Variants in LHX1 observed in about 807,000 individuals in gnomAD.
The protein encoded by LHX1 is LIM homeobox 1, also known as LIM/homeobox protein Lhx1.
Under a neutral mutation model 34.1 loss-of-function variants are expected in LHX1, and 9 were observed. The ratio of observed to expected loss-of-function variants is 0.26; its 90% confidence interval spans 0.16 to 0.46. The LOEUF is 0.46. Ranked by LOEUF, LHX1 falls within the 20% of genes least tolerant of loss-of-function variation. The pLI is 1.00. For missense variants in LHX1, 446 were observed against 559.1 expected, an observed-to-expected ratio of 0.80 and a Z score of 2.04; for synonymous variants, 254 against 241.5, an observed-to-expected ratio of 1.05 and a Z score of -0.48.
At position 36,944,536 on chromosome 17, in the gene LHX1, A is replaced by C. The variant is rs2070790331; in HGVS notation, c.*1405A>C. On this transcript the variant is annotated 3_prime_UTR_variant, in exon 5 of 5. Transcript: ENST00000614239. ...GCTTGTGTGACCTCCAGTGCATATT[A>C]GACCATTCACTGTATGAAAGAAAAC... 6.6e-6 allele frequency: 1 copy of C among 152,272 alleles called. No individual in the cohort carries two copies. The highest frequency in any genetic ancestry group is 1.5e-5 in the Non-Finnish European group (1 of 68,050). The allele number at this position is 152,272 out of a possible 1,614,324, so 9.4% of individuals were successfully genotyped here. A position where few individuals can be genotyped will look rare whatever the true frequency, so the allele number is the denominator to read the frequency against.
chr17:36,938,036 C>T lies in LHX1; in HGVS notation c.-162C>T. On this transcript the variant is annotated 5_prime_UTR_variant, in exon 1 of 5. Coordinates refer to ENST00000614239, the MANE Select transcript of LHX1 (RefSeq NM_005568.5). ...CCCCGATCAGCCTCGTTTCCTCCACCCTACTTTGATTTCCTGGTGCGAGTT... is the reference window on the plus strand; with the variant it reads ...CCCCGATCAGCCTCGTTTCCTCCACTCTACTTTGATTTCCTGGTGCGAGTT... The T allele has an allele frequency of 5.8e-6, 4 of 689,928 alleles. 1 individual carries two copies. Among genetic ancestry groups the T allele is most frequent in the Non-Finnish European group, 1.0e-5 (4 of 398,090 alleles). The allele number at this position is 689,928 out of a possible 1,614,324, so 42.7% of individuals were successfully genotyped here.
At chr17:36,937,078 C>A, upstream of LHX1, 1 of 330,698 alleles carries the variant, frequency 3.0e-6, no homozygotes, top group Non-Finnish European at 6.0e-6. Context: ...GAAAGGAAAC[C>A]CAGATTTGCC....
intron 1 of LHX1, 95 bp from the exon 2 acceptor site, chr17:36,940,194 TC>T: frequency 1.4e-6 from 1 of 729,140 alleles, no homozygotes; most frequent in Non-Finnish European, 2.4e-6. Flanking sequence ...TTTTACATCT[TC>T]CCTCTTTCTC....
rs112081488 is a variant in LHX1 at position 36,942,855 on chromosome 17, G to T, written c.945G>T (p.Pro315=). The T allele has an allele frequency of 6.3e-7, 1 of 1,588,050 alleles. No individual in the cohort carries two copies. The highest frequency in any genetic ancestry group is 8.6e-7 in the Non-Finnish European group (1 of 1,164,786). The change falls in exon 5 of 5, where the codon CCG becomes CCT. Residue 315 remains proline, a synonymous_variant. Coordinates refer to ENST00000614239, the MANE Select transcript of LHX1 (RefSeq NM_005568.5). ...CACCAGTGGACCTACCCTTCGTGCC[G>T]TCATCTGGGCCGTCCGGGACGCCCC... ...AQTPVDLPFV[P]SSGPSGTPLG... is the part of the protein sequence containing the mutation.
rs899547939 is a variant in LHX1, at chr17:36,943,389, C to T, written c.*258C>T. On this transcript the variant is annotated 3_prime_UTR_variant, in exon 5 of 5. Coordinates refer to ENST00000614239, the MANE Select transcript of LHX1 (RefSeq NM_005568.5). Reference sequence around the variant, plus strand: ...CTCCCCAAAGGAAACGCAGACCTCTCCCCAACTCCCACCTGGACCCGGATC... The same window carrying T: ...CTCCCCAAAGGAAACGCAGACCTCTTCCCAACTCCCACCTGGACCCGGATC... 6 of 460,672 alleles carry T rather than the reference C, an allele frequency of 1.3e-5. No homozygotes were observed. The highest frequency in any genetic ancestry group is 8.0e-5 in the Admixed American group (2 of 24,944). 28.5% of individuals were successfully genotyped at this position (460,672 alleles called of 1,614,324 possible). A position where few individuals can be genotyped will look rare whatever the true frequency, so the allele number is the denominator to read the frequency against.
At chr17:36,942,065 T>C (rs2070768230) in intron 3 of LHX1, 135 bp from the exon 4 acceptor site, 3 of 823,398 alleles carry the variant, frequency 3.6e-6, no homozygotes, top group Non-Finnish European at 5.7e-6. Flanking sequence ...CCGTCACCAC[T>C]ACCCTACACA....
At chr17:36,942,609 C>G (rs1567958098) in intron 4 of LHX1, 143 bp from the exon 5 acceptor site, 7 of 1,034,460 alleles carry the variant, frequency 6.8e-6, no homozygotes, top group Non-Finnish European at 9.6e-6. Context: ...CTCCCTGCAC[C>G]CAGGCCCGCG....
rs772041347 is a variant in LHX1, at chr17:36,942,903, G to A, written c.993G>A (p.Leu331=). The A allele has an allele frequency of 1.3e-6, 2 of 1,597,710 alleles. No individual in the cohort carries two copies. Among genetic ancestry groups the A allele is most frequent in the Admixed American group, 3.4e-5 (2 of 58,064 alleles). Reference sequence around the variant, plus strand: ...CCCTGGGTGGCCTGGAGCACCCGCTGCCGGGCCACCACCCGTCGAGCGAGG... The same window carrying A: ...CCCTGGGTGGCCTGGAGCACCCGCTACCGGGCCACCACCCGTCGAGCGAGG... ...GTPLGGLEHP[L]PGHHPSSEAQ... Residue 331 remains leucine, a synonymous_variant, in exon 5 of 5, where the codon CTG becomes CTA. Coordinates refer to ENST00000614239, the MANE Select transcript of LHX1 (RefSeq NM_005568.5).
intron 4 of LHX1, 103 bp downstream of exon 4, chr17:36,942,468 G>A (rs1406031681): frequency 3.9e-6 from 5 of 1,265,976 alleles, no homozygotes; most frequent in South Asian, 1.4e-5. Context: ...TAAGCCACTG[G>A]AGAGTTGGGG....
rs1173526494 is a variant in LHX1 at position 36,943,119 on chromosome 17, G to C, written c.1209G>C (p.Ala403=). 1.2e-6 allele frequency: 2 copies of C among 1,612,378 alleles called. No individual in the cohort carries two copies. The highest frequency in any genetic ancestry group is 2.2e-5 in the East Asian group (1 of 44,842). ...CCCACCCCCCCGAAATGAACGAGGC[G>C]GCCGTGTGGTAGCGGGGTCTCGCAC... is the stretch of plus-strand genomic sequence containing the variant. ...HLSHPPEMNE[A]AVW The change falls in exon 5 of 5, where the codon GCG becomes GCC. Residue 403 remains alanine (A), a synonymous_variant. Transcript: ENST00000614239.
intron 3 of LHX1, chr17:36,941,567 A>ATGTACCTGCCTGGGAGGCTGGC (rs2070765366): frequency 4.1e-6 from 1 of 243,634 alleles, no homozygotes; most frequent in Non-Finnish European, 8.2e-6. Context: ...CTGTGGGTGG[A>ATGTACCTGCCTGGGAGGCTGGC]TGTACCTGCC....
In LHX1 at chr17:36,937,983, G is replaced by A. The variant is rs2070739579; in HGVS notation, c.-215G>A. ...CCCGGGGCCCCGGGACTCCCCGGCT[G>A]CACACTTCACTGAGACGCCCCCCCA... On this transcript the variant is annotated 5_prime_UTR_variant, in exon 1 of 5. Transcript: ENST00000614239. 4 of 610,850 alleles carry A rather than the reference G, an allele frequency of 6.5e-6. No homozygotes were observed. Among genetic ancestry groups the A allele is most frequent in the Non-Finnish European group, 1.2e-5 (4 of 343,068 alleles). 37.8% of individuals were successfully genotyped at this position (610,850 alleles called of 1,614,324 possible).
intron 4 of LHX1, among the ~76,000 whole-genome samples, 154 bp from the exon 5 acceptor site, chr17:36,942,598 C>T (rs2070773015): frequency 6.6e-6 from 1 of 152,216 alleles, no homozygotes; most frequent in African/African-American, 2.4e-5. Flanking sequence ...CGCCCAGCCT[C>T]CTCCCTGCAC....
In LHX1 at chr17:36,942,262, C is replaced by A. The variant is rs756863663; in HGVS notation, c.738C>A (p.Ala246=). 2.5e-6 allele frequency: 4 copies of A among 1,599,940 alleles called. No individual in the cohort carries two copies. The highest frequency in any genetic ancestry group is 1.7e-6 in the Non-Finnish European group (2 of 1,175,208). The part of the protein sequence containing the change: ...RRMKQLSALG[A]RRHAFFRSPR... ...TGAAGCAGCTGAGCGCCCTGGGCGC[C>A]CGGCGCCACGCCTTCTTCCGCAGTC... Residue 246 remains alanine (A), a synonymous_variant, in exon 4 of 5, where the codon GCC becomes GCA. Transcript: ENST00000614239.
At position 36,942,859 on chromosome 17, in the gene LHX1, T is replaced by A. The variant is rs1016113857; in HGVS notation, c.949T>A (p.Ser317Thr). Residue 317 changes from serine to threonine, a missense_variant, in exon 5 of 5, where the codon TCT becomes ACT. By Grantham distance (58) the Ser-to-Thr change is moderately conservative. Around this residue, in one of 3 missense-constraint regions of LHX1, gnomAD observed 235 missense variants for 224.4 expected, o/e 1.05. Transcript: ENST00000614239. Reference protein sequence around the residue: ...TPVDLPFVPSSGPSGTPLGGL... With the variant: ...TPVDLPFVPSTGPSGTPLGGL... ...AGTGGACCTACCCTTCGTGCCGTCA[T>A]CTGGGCCGTCCGGGACGCCCCTGGG... The A allele has an allele frequency of 1.3e-5, 21 of 1,593,284 alleles. No individual in the cohort carries two copies. In the African/African-American group the frequency reaches 2.7e-4, roughly 20 times the overall value.
In LHX1 at chr17:36,942,323, C is replaced by T; in HGVS notation, c.799C>T (p.Pro267Ser). The change falls in exon 4 of 5, where the codon CCG becomes TCG. Residue 267 changes from proline to serine, a missense_variant. By Grantham distance (74) the Pro-to-Ser change is moderately conservative. Transcript: ENST00000614239. ...GCGGCCGCTGGTGGACCGCCTGGAGCCGGGCGAGCTCATCCCCAATGGTCC... is the reference window on the plus strand; with the variant it reads ...GCGGCCGCTGGTGGACCGCCTGGAGTCGGGCGAGCTCATCCCCAATGGTCC... ...RMRPLVDRLE[P>S]GELIPNGPFS... is the part of the protein sequence containing the mutation. The T allele has an allele frequency of 6.3e-7, 1 of 1,591,126 alleles. No individual in the cohort carries two copies. The highest frequency in any genetic ancestry group is 8.5e-7 in the Non-Finnish European group (1 of 1,170,012).
Position 36,943,103 on chromosome 17 carries a change from C to A in LHX1, c.1193C>A (p.Pro398His), listed in dbSNP as rs538710873. 20 of 1,612,232 alleles carry A rather than the reference C, an allele frequency of 1.2e-5. No individual in the cohort carries two copies. In the Admixed American group the frequency reaches 1.3e-4, roughly 11 times the overall value. ...ASYGNHLSHPPEMNEAAVW is the reference protein window; with the variant it reads ...ASYGNHLSHPHEMNEAAVW ...TACGGAAACCACCTGTCCCACCCCCCCGAAATGAACGAGGCGGCCGTGTGG... is the reference window on the plus strand; with the variant it reads ...TACGGAAACCACCTGTCCCACCCCCACGAAATGAACGAGGCGGCCGTGTGG... The change falls in exon 5 of 5, where the codon CCC becomes CAC. Residue 398 changes from proline (P) to histidine (H), a missense_variant. Transcript: ENST00000614239.
chr17:36,942,997 G>A lies in LHX1; in HGVS notation c.1087G>A (p.Gly363Arg), dbSNP rs774562789. Residue 363 changes from glycine to arginine, a missense_variant, in exon 5 of 5, where the codon GGG (glycine) becomes AGG (arginine). Transcript: ENST00000614239. Reference sequence around the variant, plus strand: ...GCCCAGCCCCGAGCCCAGCCTGCCCGGGCCTCTGCACTCCATGTCGGCCGA... The same window carrying A: ...GCCCAGCCCCGAGCCCAGCCTGCCCAGGCCTCTGCACTCCATGTCGGCCGA... ...DSPSPEPSLPGPLHSMSAEVF... is the reference protein window; with the variant it reads ...DSPSPEPSLPRPLHSMSAEVF... 26 of 1,611,218 alleles carry A rather than the reference G, an allele frequency of 1.6e-5. No individual in the cohort carries two copies. The highest frequency in any genetic ancestry group is 2.7e-5 in the African/African-American group (2 of 74,862).
intron 1 of LHX1, 159 bp downstream of exon 1, chr17:36,938,526 C>A: frequency 1.3e-6 from 1 of 743,322 alleles, no homozygotes; most frequent in Non-Finnish European, 2.4e-6. Context: ...CCAGCTGGCG[C>A]GCTGGGAGCC....
Sources: allele counts gnomAD v4.1 joint callset (sites outside exome capture counted in the v4.1 genomes callset), GRCh38; gene constraint gnomAD v4.1.1; regional missense constraint gnomAD v4.1.1; transcripts MANE v1.5; gene names NCBI Gene and HGNC (gene_info 2026-07-23, HGNC 2026-07-21).